Variants in WWC2 observed in about 807,000 individuals in gnomAD.
WWC2 encodes protein WWC2.
Under a neutral mutation model 138.5 loss-of-function variants are expected in WWC2, and 101 were observed. The ratio of observed to expected loss-of-function variants is 0.73; its 90% CI spans 0.62 to 0.86. WWC2 has a LOEUF of 0.86. WWC2 is among the 40% of genes least tolerant of loss of function. WWC2 has a pLI of 0.00. For synonymous variants in WWC2, 558 were observed against 538.4 expected, an observed-to-expected ratio of 1.04 and a Z score of -0.50; for missense variants, 1,420 against 1,419.4, an observed-to-expected ratio of 1.00 and a Z score of -0.01.
intron 8 of WWC2, among the ~76,000 whole-genome samples, chr4:183,250,664 AT>A (rs1736950440): frequency 6.6e-6 from 1 of 152,166 alleles, no homozygotes; most frequent in South Asian, 2.1e-4. Context: ...ACTTTTCATA[AT>A]ATAGAACTCC....
chr4:183,122,755 G>A (rs570099216), intron 1 of WWC2, among the ~76,000 whole-genome samples: 5 of 152,254 alleles, frequency 3.3e-5, no homozygotes, highest in Non-Finnish European at 7.4e-5. Context: ...CTGGCCTCAA[G>A]TGATCCACCC....
At position 183,282,716 on chromosome 4, in the gene WWC2, T is replaced by C. The variant is rs759579622; in HGVS notation, c.2693T>C (p.Met898Thr). 2 of 1,568,526 alleles carry C rather than the reference T, an allele frequency of 1.3e-6. No individual in the cohort carries two copies. The highest frequency in any genetic ancestry group is 1.9e-5 in the Admixed American group (1 of 52,850). Reference protein sequence around the residue: ...PRGPDGDWLTMLREASDEIVA... With the variant: ...PRGPDGDWLTTLREASDEIVA... ...TTTTTGTTTTACCATAGGCTAACAA[T>C]GCTAAGAGAGGCCTCTGATGAAATT... is the stretch of plus-strand genomic sequence containing the variant. The change falls in exon 18 of 23, where the codon ATG becomes ACG. Residue 898 changes from methionine (M) to threonine (T), a missense_variant. Physicochemically the swap from Met to Thr is moderately conservative, Grantham distance 81 (BLOSUM62 -1). Coordinates refer to ENST00000403733, the MANE Select transcript of WWC2 (RefSeq NM_024949.6).
chr4:183,313,013 C>A (rs748609175), intron 22 of WWC2, among the ~76,000 whole-genome samples: 3 of 152,034 alleles, frequency 2.0e-5, no homozygotes, highest in Admixed American at 6.5e-5. Flanking sequence ...CAGTATGGGG[C>A]AGGTGCTGGG....
At chr4:183,180,354 T>C (rs186664275) in intron 1 of WWC2, among the ~76,000 whole-genome samples, 62 of 152,314 alleles carry the variant, frequency 4.1e-4, no homozygotes, top group African/African-American at 1.5e-3. Flanking sequence ...TTTCCTTGTA[T>C]TCATGAGGGT....
chr4:183,246,632 G>A (rs75229542), intron 6 of WWC2, among the ~76,000 whole-genome samples: 4,996 of 152,206 alleles, frequency 0.033, 255 homozygotes, highest in African/African-American at 0.11. Context: ...CTAAAGGTAG[G>A]CACTGTTATT....
At chr4:183,289,741 A>G in intron 21 of WWC2, 106 bp downstream of exon 21, 1 of 1,461,502 alleles carries the variant, frequency 6.8e-7, no homozygotes, top group Non-Finnish European at 9.1e-7. Flanking sequence ...ATAAGTCTTT[A>G]GATGTTTTAC....
At chr4:183,253,525 A>G (rs1012835749) in intron 8 of WWC2, among the ~76,000 whole-genome samples, 4 of 152,078 alleles carry the variant, frequency 2.6e-5, no homozygotes, top group African/African-American at 9.7e-5. Context: ...CTCACATTTT[A>G]AAGATGGGGG....
At chr4:183,280,955 T>C in intron 17 of WWC2, 58 bp downstream of exon 17, 1 of 1,508,652 alleles carries the variant, frequency 6.6e-7, no homozygotes, top group Non-Finnish European at 8.8e-7. Flanking sequence ...TTACACGGCT[T>C]ACAGTGAAAC....
At chr4:183,294,525 A>G (rs1738568187) in intron 21 of WWC2, among the ~76,000 whole-genome samples, 1 of 152,184 alleles carries the variant, frequency 6.6e-6, no homozygotes, top group South Asian at 2.1e-4. Flanking sequence ...GTGATGCATA[A>G]GTAATAGGGG....
intron 7 of WWC2, among the ~76,000 whole-genome samples, chr4:183,249,225 C>A (rs1221978008): frequency 6.6e-6 from 1 of 151,992 alleles, no homozygotes; most frequent in Non-Finnish European, 1.5e-5. Context: ...GAAAAACATG[C>A]CTTTTAAGAC....
intron 1 of WWC2, among the ~76,000 whole-genome samples, chr4:183,136,156 A>G (rs958966361): frequency 6.6e-6 from 1 of 152,088 alleles, no homozygotes; most frequent in African/African-American, 2.4e-5. Context: ...TGTTCTTTTT[A>G]TGAATTCTAG....
intron 5 of WWC2, among the ~76,000 whole-genome samples, chr4:183,243,442 C>A (rs1736676307): frequency 1.3e-5 from 2 of 152,114 alleles, no homozygotes; most frequent in African/African-American, 2.4e-5. Context: ...AAGCCATTTC[C>A]TCAGCCAAGT....
chr4:183,284,102 A>G (rs551668308), intron 18 of WWC2, 124 bp from the exon 19 acceptor site: 1 of 1,112,534 alleles, frequency 9.0e-7, no homozygotes, highest in East Asian at 2.5e-5. Context: ...CCTTTCTCTT[A>G]GGAGTGGCCA....
chr4:183,319,269 A>ACCC lies in WWC2; in HGVS notation c.*3540_*3541insCCC, dbSNP rs1268626522. ...ATGAATAATACCTTCAAAGATACAT[A>ACCC]GAGATTAATGTTTTATTTACCACTT... is the stretch of plus-strand genomic sequence containing the variant. On this transcript the variant is annotated 3_prime_UTR_variant, in exon 23 of 23. Transcript: ENST00000403733. The ACCC allele has an allele frequency of 4.5e-5, 14 of 313,862 alleles. No homozygotes were observed. The highest frequency in any genetic ancestry group is 9.5e-4 in the Middle Eastern group (1 of 1,058). 19.4% of individuals were successfully genotyped at this position (313,862 alleles called of 1,614,324 possible). A position where few individuals can be genotyped will look rare whatever the true frequency, so the allele number is the denominator to read the frequency against.
intron 1 of WWC2, among the ~76,000 whole-genome samples, chr4:183,106,720 A>G (rs1743372994): frequency 6.6e-6 from 1 of 152,112 alleles, no homozygotes. Context: ...TCTTAGTGTA[A>G]TGCATTCAGG....
intron 10 of WWC2, among the ~76,000 whole-genome samples, chr4:183,259,960 G>T (rs780409364): frequency 1.3e-5 from 2 of 152,152 alleles, no homozygotes; most frequent in Non-Finnish European, 2.9e-5. Flanking sequence ...TTAGCTGTCA[G>T]TACATTTAGG....
chr4:183,178,085 A>G (rs1214384547), intron 1 of WWC2, among the ~76,000 whole-genome samples: 2 of 152,222 alleles, frequency 1.3e-5, no homozygotes, highest in African/African-American at 2.4e-5. Context: ...TGCATTGATC[A>G]TGTGGCCAAA....
intron 12 of WWC2, 122 bp downstream of exon 12, chr4:183,265,229 G>A (rs754054730): frequency 9.9e-6 from 13 of 1,314,518 alleles, no homozygotes; most frequent in Non-Finnish European, 1.3e-5. Flanking sequence ...GACTTTAGCC[G>A]TTAAAGAAGT....
chr4:183,244,930 A>G (rs954018178), intron 5 of WWC2, among the ~76,000 whole-genome samples: 3 of 152,132 alleles, frequency 2.0e-5, no homozygotes, highest in Non-Finnish European at 2.9e-5. Context: ...GTGATTAGAA[A>G]TGGACTGGGT....
Sources: allele counts gnomAD v4.1 joint callset (sites outside exome capture counted in the v4.1 genomes callset), GRCh38; gene constraint gnomAD v4.1.1; transcripts MANE v1.5; gene names NCBI Gene and HGNC (gene_info 2026-07-23, HGNC 2026-07-21).